Variants in PTAR1 observed in about 807,000 individuals in gnomAD.
The protein encoded by PTAR1 is protein prenyltransferase alpha subunit repeat-containing protein 1.
A neutral mutation model predicts 45.5 loss-of-function variants in PTAR1; 17 were observed. The observed-to-expected ratio is 0.37, with a 90% CI of 0.26 to 0.56. The LOEUF (loss-of-function observed/expected upper bound fraction) is 0.56, where lower values mean the gene tolerates loss of function less well. Among genes scored for constraint, PTAR1 ranks in the 20% least tolerant of loss-of-function variants. PTAR1 has a pLI of 0.77. For synonymous variants in PTAR1, 169 were observed against 171.3 expected, an observed-to-expected ratio of 0.99 and a Z score of 0.11; for missense variants, 391 against 476.3, an observed-to-expected ratio of 0.82 and a Z score of 1.67.
At chr9:69,730,929 T>C (rs185110057) in intron 5 of PTAR1, among the ~76,000 whole-genome samples, 2 of 152,082 alleles carry the variant, frequency 1.3e-5, no homozygotes, top group Non-Finnish European at 2.9e-5. Flanking sequence ...CAATTAACTC[T>C]CACAATAATC....
Position 69,716,264 on chromosome 9 carries a change from A to G in PTAR1, c.*2078T>C, listed in dbSNP as rs535749933. ...GTGTAGTTTGCCCCCAAACACTCACAGGAGCTAAAAATCATAAACTTATGA... is the reference window on the plus strand; with the variant it reads ...GTGTAGTTTGCCCCCAAACACTCACGGGAGCTAAAAATCATAAACTTATGA... On this transcript the variant is annotated 3_prime_UTR_variant, in exon 8 of 8. Coordinates refer to ENST00000340434, the MANE Select transcript of PTAR1 (RefSeq NM_001099666.2). 2 of 152,162 alleles carry G rather than the reference A, an allele frequency of 1.3e-5. No homozygotes were observed. The highest frequency in any genetic ancestry group is 2.9e-5 in the Non-Finnish European group (2 of 68,020). The allele number at this position is 152,162 out of a possible 1,614,324, so 9.4% of individuals were successfully genotyped here.
intron 1 of PTAR1, among the ~76,000 whole-genome samples, chr9:69,753,989 C>T (rs1164506551): frequency 6.6e-6 from 1 of 152,158 alleles, no homozygotes; most frequent in East Asian, 1.9e-4. Context: ...TAATGGAAAG[C>T]CGAGGCAAAG....
At chr9:69,741,894 TCCTA>T in intron 2 of PTAR1, 36 bp from the exon 3 acceptor site, 1 of 1,310,228 alleles carries the variant, frequency 7.6e-7, no homozygotes, top group Non-Finnish European at 1.1e-6. Context: ...AAACAAATAG[TCCTA>T]CCTTTTAAAG....
At chr9:69,729,989 T>A (rs545605064) in intron 5 of PTAR1, among the ~76,000 whole-genome samples, 1 of 152,196 alleles carries the variant, frequency 6.6e-6, no homozygotes, top group Non-Finnish European at 1.5e-5. Context: ...AGTTAAAAAA[T>A]GCTGGCTCAT....
chr9:69,719,592 T>C (rs1237223276), intron 6 of PTAR1, among the ~76,000 whole-genome samples: 1 of 152,184 alleles, frequency 6.6e-6, no homozygotes, highest in Non-Finnish European at 1.5e-5. Flanking sequence ...AGCTGCCTAA[T>C]GACAATGAGT....
At chr9:69,747,651 G>C (rs1283589316) in intron 2 of PTAR1, among the ~76,000 whole-genome samples, 5 of 152,170 alleles carry the variant, frequency 3.3e-5, no homozygotes, top group African/African-American at 1.2e-4. Context: ...GCCCAGTTAC[G>C]AAGAGTAGAG....
chr9:69,734,069 C>A, intron 4 of PTAR1, 81 bp downstream of exon 4: 1 of 801,228 alleles, frequency 1.2e-6, no homozygotes, highest in South Asian at 1.6e-5. Context: ...CAATAAGTAA[C>A]CTTGCCTCTC....
rs372838879 is a variant in PTAR1, at chr9:69,718,689, G to A, written c.948-5C>T. On this transcript the variant is annotated splice_region_variant and splice_polypyrimidine_tract_variant and intron_variant, in intron 6 of 7. Transcript: ENST00000340434. ...TGAAGGTAGAAAATATGCCGCCTGC[G>A]ATAGAGAGGGGAAGGAAGAGAATAA... The A allele has an allele frequency of 1.9e-5, 29 of 1,543,712 alleles. No homozygotes were observed. Among genetic ancestry groups the A allele is most frequent in the African/African-American group, 9.7e-5 (7 of 72,298 alleles).
rs1315054037 is a variant in PTAR1 at position 69,716,533 on chromosome 9, A to T, written c.*1809T>A. The T allele has an allele frequency of 6.6e-6, 1 of 152,180 alleles. No homozygotes were observed. The highest frequency in any genetic ancestry group is 1.5e-5 in the Non-Finnish European group (1 of 68,032). 9.4% of individuals were successfully genotyped at this position (152,180 alleles called of 1,614,324 possible). A position where few individuals can be genotyped will look rare whatever the true frequency, so the allele number is the denominator to read the frequency against. ...CAGTCTGCCACTCAACAAAACCATG[A>T]TGCCAAAGAAAAGGACATATTTCTT... On this transcript the variant is annotated 3_prime_UTR_variant, in exon 8 of 8. Coordinates refer to ENST00000340434, the MANE Select transcript of PTAR1 (RefSeq NM_001099666.2).
At chr9:69,758,625 G>A (rs867820842) in intron 1 of PTAR1, 45 of 335,578 alleles carry the variant, frequency 1.3e-4, no homozygotes, top group Middle Eastern at 1.2e-3. Context: ...TTTTTAATGT[G>A]GCACAGTTGC....
intron 1 of PTAR1, among the ~76,000 whole-genome samples, chr9:69,752,893 G>C (rs191023722): frequency 2.8e-4 from 42 of 152,020 alleles, no homozygotes; most frequent in African/African-American, 8.4e-4. Context: ...AGCTATACTT[G>C]ACTAATATAT....
chr9:69,737,133 A>C (rs1588465537), intron 3 of PTAR1, among the ~76,000 whole-genome samples: 1 of 151,868 alleles, frequency 6.6e-6, no homozygotes, highest in Non-Finnish European at 1.5e-5. Context: ...AGGCTGGAGT[A>C]CAGTGGCACA....
chr9:69,756,648 G>A (rs1826790582), intron 1 of PTAR1, among the ~76,000 whole-genome samples: 1 of 151,948 alleles, frequency 6.6e-6, no homozygotes, highest in African/African-American at 2.4e-5. Flanking sequence ...GGCTCCCTCT[G>A]AGACTACAAA....
intron 2 of PTAR1, among the ~76,000 whole-genome samples, chr9:69,742,737 T>G (rs908817573): frequency 3.9e-5 from 6 of 152,088 alleles, no homozygotes; most frequent in African/African-American, 1.4e-4. Context: ...CCTATATATA[T>G]TTTTAAAAAT....
rs1039827395 is a variant in PTAR1, at chr9:69,713,087, G to A, written c.*5255C>T. On this transcript the variant is annotated 3_prime_UTR_variant, in exon 8 of 8. Transcript: ENST00000340434. The stretch of plus-strand genomic sequence containing the variant: ...ATAACAACAGACTAATAAAAGTAAC[G>A]TCAGGGTTAGCTTTCTGGACAATAG... 1.3e-5 allele frequency: 2 copies of A among 152,022 alleles called. No individual in the cohort carries two copies. Among genetic ancestry groups the A allele is most frequent in the East Asian group, 1.9e-4 (1 of 5,194 alleles). 9.4% of individuals were successfully genotyped at this position (152,022 alleles called of 1,614,324 possible). A position where few individuals can be genotyped will look rare whatever the true frequency, so the allele number is the denominator to read the frequency against.
chr9:69,734,052 C>G, intron 4 of PTAR1, 98 bp downstream of exon 4: 1 of 727,790 alleles, frequency 1.4e-6, no homozygotes. Flanking sequence ...AATTCATGCT[C>G]TGGAACCAAT....
In PTAR1 at chr9:69,715,975, T is replaced by C. The variant is rs897606558; in HGVS notation, c.*2367A>G. ...TCAGAAAAGAGTGGGTTAAGAGCCT[T>C]AGAAGATATGAAAATAGTTTACACA... On this transcript the variant is annotated 3_prime_UTR_variant, in exon 8 of 8. Coordinates refer to ENST00000340434, the MANE Select transcript of PTAR1 (RefSeq NM_001099666.2). The C allele has an allele frequency of 5.3e-5, 8 of 152,070 alleles. No individual in the cohort carries two copies. Among genetic ancestry groups the C allele is most frequent in the Non-Finnish European group, 8.8e-5 (6 of 67,992 alleles). The allele number at this position is 152,070 out of a possible 1,614,324, so 9.4% of individuals were successfully genotyped here. A position where few individuals can be genotyped will look rare whatever the true frequency, so the allele number is the denominator to read the frequency against.
At chr9:69,744,386 T>C (rs1826177204) in intron 2 of PTAR1, among the ~76,000 whole-genome samples, 1 of 69,308 alleles carries the variant, frequency 1.4e-5, no homozygotes, top group African/African-American at 3.9e-5. Context: ...TCATCTCTGC[T>C]TTTTTTTTTT....
intron 1 of PTAR1, among the ~76,000 whole-genome samples, chr9:69,752,858 A>AT (rs1217821966): frequency 6.6e-6 from 1 of 152,096 alleles, no homozygotes; most frequent in African/African-American, 2.4e-5. Flanking sequence ...TATCTAATTC[A>AT]TTATTATGAC....
Sources: allele counts gnomAD v4.1 joint callset (sites outside exome capture counted in the v4.1 genomes callset), GRCh38; gene constraint gnomAD v4.1.1; transcripts MANE v1.5; gene names NCBI Gene and HGNC (gene_info 2026-07-23, HGNC 2026-07-21).